Variants in RFX4 observed in about 807,000 individuals in gnomAD.
RFX4 encodes the protein regulatory factor X4, also known as transcription factor RFX4.
RFX4 carries 10 observed loss-of-function variants against 95.0 expected under a neutral mutation model. The ratio of observed to expected loss-of-function variants is 0.11; its 90% CI spans 0.06 to 0.18. The LOEUF (loss-of-function observed/expected upper bound fraction) is 0.18, where lower values mean the gene tolerates loss of function less well. RFX4 is among the 10% of genes least tolerant of loss of function. RFX4 has a pLI of 1.00. For missense variants in RFX4, 640 were observed against 922.0 expected, an observed-to-expected ratio of 0.69 and a Z score of 3.96; for synonymous variants, 321 against 340.7, an observed-to-expected ratio of 0.94 and a Z score of 0.64.
intron 3 of RFX4, among the ~76,000 whole-genome samples, chr12:106,640,681 G>T (rs1370439146): frequency 6.6e-6 from 1 of 151,912 alleles, no homozygotes; most frequent in Non-Finnish European, 1.5e-5. Context: ...TAAGTATTAT[G>T]GCCATGCAAG....
At chr12:106,631,297 T>C (rs1454940228) in intron 2 of RFX4, among the ~76,000 whole-genome samples, 1 of 152,234 alleles carries the variant, frequency 6.6e-6, no homozygotes, top group Admixed American at 6.5e-5. Context: ...ATTTTATTCA[T>C]TCACTCATTC....
At chr12:106,725,970 G>A (rs376634843) in intron 13 of RFX4, among the ~76,000 whole-genome samples, 1 of 152,242 alleles carries the variant, frequency 6.6e-6, no homozygotes, top group East Asian at 1.9e-4. Context: ...GAAGAGGCCG[G>A]GCGAAGTGGC....
intron 2 of RFX4, among the ~76,000 whole-genome samples, chr12:106,614,167 C>CTT (rs952770146): frequency 6.8e-5 from 10 of 146,456 alleles, no homozygotes; most frequent in African/African-American, 2.2e-4. Flanking sequence ...CTCTTCATGT[C>CTT]TTTTTTTTTT....
At chr12:106,583,403 G>A in intron 1 of RFX4, 40 bp downstream of exon 1, 2 of 1,517,150 alleles carry the variant, frequency 1.3e-6, no homozygotes, top group Non-Finnish European at 1.8e-6. Context: ...ACATTGGGAG[G>A]GAAGGAGAAG....
rs753247177 is a variant in RFX4 at position 106,750,789 on chromosome 12, C to T, written c.1931C>T (p.Ala644Val). ...LHYAPYHRSS[A>V]QYPFNSPTSR... ...TATGCCCCTTACCACAGGAGCTCTG[C>T]ACAGGTGAGTCAGTGGTCCTGGTTT... The change falls in exon 17 of 18, where the codon GCA becomes GTA. Residue 644 changes from alanine to valine, a missense_variant. This residue lies in a region of RFX4 where 300 missense variants were observed against 346.8 expected (regional missense o/e 0.87). Coordinates refer to ENST00000392842, the MANE Select transcript of RFX4 (RefSeq NM_213594.3). The T allele has an allele frequency of 6.4e-7, 1 of 1,572,406 alleles. No individual in the cohort carries two copies. The highest frequency in any genetic ancestry group is 8.6e-7 in the Non-Finnish European group (1 of 1,163,380).
At chr12:106,738,266 T>C (rs2042748438) in intron 15 of RFX4, among the ~76,000 whole-genome samples, 1 of 152,194 alleles carries the variant, frequency 6.6e-6, no homozygotes, top group African/African-American at 2.4e-5. Context: ...CAGTTCTGCA[T>C]TATGAAGCAG....
Position 106,693,463 on chromosome 12 carries a change from G to A in RFX4, c.670-2820G>A, listed in dbSNP as rs75556720. Reference sequence around the variant, plus strand: ...ACTGCTCATATAAAAAAGGGGGTACGGCTGCCTGCAAGAAGAGCTAAGTAA... The same window carrying A: ...ACTGCTCATATAAAAAAGGGGGTACAGCTGCCTGCAAGAAGAGCTAAGTAA... On this transcript the variant is annotated intron_variant, in intron 7 of 17. Coordinates refer to ENST00000392842, the MANE Select transcript of RFX4 (RefSeq NM_213594.3). Among the ~76,000 whole-genome samples the A allele has an allele frequency of 5.9e-3, 905 of 152,242 alleles. 10 individuals carry two copies. Among genetic ancestry groups the A allele is most frequent in the African/African-American group, 0.02 (835 of 41,546 alleles).
At chr12:106,749,866 C>T (rs554498197) in intron 16 of RFX4, among the ~76,000 whole-genome samples, 10 of 152,154 alleles carry the variant, frequency 6.6e-5, no homozygotes, top group African/African-American at 2.4e-4. Context: ...TGCTCTCCCC[C>T]CAGGAGACAG....
intron 3 of RFX4, among the ~76,000 whole-genome samples, chr12:106,650,422 G>T (rs2040836118): frequency 6.6e-6 from 1 of 152,166 alleles, no homozygotes; most frequent in Admixed American, 6.5e-5. Context: ...CTTAAAAATT[G>T]CTTAATGGAA....
chr12:106,721,159 T>G (rs540076289), intron 13 of RFX4, among the ~76,000 whole-genome samples: 1 of 152,264 alleles, frequency 6.6e-6, no homozygotes, highest in South Asian at 2.1e-4. Flanking sequence ...TGCCTAGATG[T>G]TCCCAGTGAT....
At chr12:106,613,311 T>C (rs2137215956) in intron 2 of RFX4, among the ~76,000 whole-genome samples, 1 of 151,226 alleles carries the variant, frequency 6.6e-6, no homozygotes, top group South Asian at 2.1e-4. Flanking sequence ...CTGTAGTCCT[T>C]TTACTATGCT....
rs1474983525 is a variant in RFX4, at chr12:106,762,469, T to G, written c.*1000T>G. The G allele has an allele frequency of 6.6e-6, 1 of 152,588 alleles. No individual in the cohort carries two copies. The highest frequency in any genetic ancestry group is 2.4e-5 in the African/African-American group (1 of 41,452). The allele number at this position is 152,588 out of a possible 1,614,324, so 9.5% of individuals were successfully genotyped here. On this transcript the variant is annotated 3_prime_UTR_variant, in exon 18 of 18. Transcript: ENST00000392842. ...TTGAGCCTATACTATACTGTGTATGTGTGGAAATAAAAATGTATTGTACTT... is the reference window on the plus strand; with the variant it reads ...TTGAGCCTATACTATACTGTGTATGGGTGGAAATAAAAATGTATTGTACTT...
chr12:106,604,527 T>C (rs1027394203), intron 1 of RFX4, among the ~76,000 whole-genome samples: 4 of 151,040 alleles, frequency 2.6e-5, no homozygotes, highest in African/African-American at 9.8e-5. Context: ...GTTATACTTT[T>C]CCATGCCTTA....
intron 1 of RFX4, among the ~76,000 whole-genome samples, chr12:106,601,985 T>C (rs753585528): frequency 7.9e-5 from 12 of 152,176 alleles, no homozygotes; most frequent in Non-Finnish European, 1.5e-4. Context: ...ATGGAAGCTC[T>C]CCTCTCTATG....
At chr12:106,607,608 T>C (rs1016111020) in intron 1 of RFX4, among the ~76,000 whole-genome samples, 3 of 152,128 alleles carry the variant, frequency 2.0e-5, no homozygotes, top group Non-Finnish European at 4.4e-5. Flanking sequence ...TGCATTCACC[T>C]AATTTTTTTA....
intron 4 of RFX4, chr12:106,662,220 C>A: frequency 2.5e-6 from 1 of 401,284 alleles, no homozygotes; most frequent in Non-Finnish European, 4.9e-6. Context: ...TCCTCACCAG[C>A]ATTTGGTGTT....
chr12:106,758,053 T>C (rs953171709), intron 17 of RFX4, among the ~76,000 whole-genome samples: 2 of 152,346 alleles, frequency 1.3e-5, no homozygotes, highest in Admixed American at 6.5e-5. Flanking sequence ...ATCCAAAGAA[T>C]GGTAACTTGC....
rs541396409 is a variant in RFX4, at chr12:106,618,619, T to G, written c.130+9736T>G. On this transcript the variant is annotated intron_variant, in intron 2 of 17. Coordinates refer to ENST00000392842, the MANE Select transcript of RFX4 (RefSeq NM_213594.3). Reference sequence around the variant, plus strand: ...ATGGTATATCTTTTTCATCTTTTTATTTTCAATCTTACTATATAATCTTAC... The same window carrying G: ...ATGGTATATCTTTTTCATCTTTTTAGTTTCAATCTTACTATATAATCTTAC... 4.0e-4 allele frequency among the ~76,000 whole-genome samples: 61 copies of G among 152,190 alleles called. 1 individual carries two copies. The highest frequency in any genetic ancestry group is 1.3e-3 in the African/African-American group (55 of 41,576).
chr12:106,753,492 G>A lies in RFX4; in HGVS notation c.1935+2699G>A, dbSNP rs536345819. On this transcript the variant is annotated intron_variant, in intron 17 of 17. Transcript: ENST00000392842. ...AACTTTCCTGTCTGACGCGCACGGA[G>A]ACCCTAAGCTCCCTGAAGGCAAAGA... Among the ~76,000 whole-genome samples the A allele has an allele frequency of 4.6e-5, 7 of 152,230 alleles. No individual in the cohort carries two copies. In the East Asian group the frequency reaches 1.4e-3, roughly 29 times the overall value.
Sources: allele counts gnomAD v4.1 joint callset (sites outside exome capture counted in the v4.1 genomes callset), GRCh38; gene constraint gnomAD v4.1.1; regional missense constraint gnomAD v4.1.1; transcripts MANE v1.5; gene names NCBI Gene and HGNC (gene_info 2026-07-23, HGNC 2026-07-21).